Variants in MAN1A1 observed in about 807,000 individuals in gnomAD.
MAN1A1 encodes mannosyl-oligosaccharide 1,2-alpha-mannosidase IA.
In MAN1A1, 29 loss-of-function variants were observed where a neutral mutation model predicts 70.8. The ratio of observed to expected loss-of-function variants is 0.41; its 90% CI spans 0.31 to 0.56. MAN1A1 has a LOEUF of 0.56. MAN1A1 is among the 20% of genes least tolerant of loss of function. MAN1A1 has a pLI of 0.29. For synonymous variants in MAN1A1, 349 were observed against 330.1 expected (o/e 1.06, Z -0.62); for missense variants, 747 against 841.3 (o/e 0.89, Z 1.39).
At chr6:119,212,048 G>A (rs1774068296) in intron 6 of MAN1A1, among the ~76,000 whole-genome samples, 1 of 151,576 alleles carries the variant, frequency 6.6e-6, no homozygotes, top group African/African-American at 2.4e-5. Flanking sequence ...CACCATGTTA[G>A]CCAGGATGGT....
In MAN1A1 at chr6:119,248,364, C is replaced by T; in HGVS notation, c.898-10G>A. 1 of 1,531,830 alleles carries T rather than the reference C, an allele frequency of 6.5e-7. No homozygotes were observed. The highest frequency in any genetic ancestry group is 9.0e-7 in the Non-Finnish European group (1 of 1,105,056). 94.9% of individuals were successfully genotyped at this position (1,531,830 alleles called of 1,614,324 possible). A position where few individuals can be genotyped will look rare whatever the true frequency, so the allele number is the denominator to read the frequency against. On this transcript the variant is annotated splice_polypyrimidine_tract_variant and intron_variant, in intron 5 of 12. Coordinates refer to ENST00000368468, the MANE Select transcript of MAN1A1 (RefSeq NM_005907.4). ...CTTTCTTTCGAAAAATCTGAAAAGT[C>T]AAACAGTTAACTGTAAGCTACTGTT...
At chr6:119,279,180 A>G (rs1378650005) in intron 5 of MAN1A1, among the ~76,000 whole-genome samples, 1 of 152,138 alleles carries the variant, frequency 6.6e-6, no homozygotes, top group East Asian at 1.9e-4. Flanking sequence ...AAAGCTTCCA[A>G]TAACCTATTA....
At chr6:119,276,592 T>A (rs1776072666) in intron 5 of MAN1A1, among the ~76,000 whole-genome samples, 1 of 152,202 alleles carries the variant, frequency 6.6e-6, no homozygotes, top group Admixed American at 6.5e-5. Flanking sequence ...AACTCATAAA[T>A]GCTGGAGTTA....
At chr6:119,272,678 A>C (rs2114379845) in intron 5 of MAN1A1, among the ~76,000 whole-genome samples, 2 of 152,332 alleles carry the variant, frequency 1.3e-5, no homozygotes, top group South Asian at 4.1e-4. Context: ...AGAAATGCTC[A>C]ATTTTTTTTA....
chr6:119,317,220 T>C (rs1772878057), intron 2 of MAN1A1, among the ~76,000 whole-genome samples: 1 of 152,022 alleles, frequency 6.6e-6, no homozygotes, highest in African/African-American at 2.4e-5. Flanking sequence ...TTATTACAAC[T>C]GATGGACCTA....
At chr6:119,297,803 TG>T (rs1349196037) in intron 4 of MAN1A1, among the ~76,000 whole-genome samples, 3,241 of 107,562 alleles carry the variant, frequency 0.03, 136 homozygotes, top group African/African-American at 0.088. Context: ...TTTTTTGTTT[TG>T]TTTTGTTTTT....
At chr6:119,285,552 T>C (rs1776345899) in intron 5 of MAN1A1, among the ~76,000 whole-genome samples, 1 of 152,162 alleles carries the variant, frequency 6.6e-6, no homozygotes, top group Admixed American at 6.5e-5. Context: ...ATTTCTTCAC[T>C]GTATGGGATT....
intron 2 of MAN1A1, among the ~76,000 whole-genome samples, chr6:119,322,827 A>G (rs1348935587): frequency 6.6e-6 from 1 of 152,198 alleles, no homozygotes; most frequent in Non-Finnish European, 1.5e-5. Flanking sequence ...GGTAACAATC[A>G]TTTCAAAGTA....
At chr6:119,215,747 T>C (rs1254555162) in intron 6 of MAN1A1, among the ~76,000 whole-genome samples, 1 of 152,192 alleles carries the variant, frequency 6.6e-6, no homozygotes, top group Admixed American at 6.5e-5. Context: ...TTTTCTTGGA[T>C]CCCAAGGGGG....
At chr6:119,319,419 T>C (rs750090114) in intron 2 of MAN1A1, among the ~76,000 whole-genome samples, 3 of 150,900 alleles carry the variant, frequency 2.0e-5, no homozygotes, top group Non-Finnish European at 4.4e-5. Flanking sequence ...CATTCTATTG[T>C]TGATGGATGG....
upstream of MAN1A1, chr6:119,349,912 G>A (rs935124865): frequency 9.4e-6 from 3 of 317,734 alleles, no homozygotes; most frequent in African/African-American, 6.8e-5. Flanking sequence ...GGAGTTTACG[G>A]GAAGCGCAGC....
At chr6:119,194,201 A>G (rs1258179416) in intron 8 of MAN1A1, among the ~76,000 whole-genome samples, 1 of 152,228 alleles carries the variant, frequency 6.6e-6, no homozygotes, top group Non-Finnish European at 1.5e-5. Context: ...TGTTCACAGT[A>G]TATATTTAAA....
chr6:119,349,134 G>C lies in MAN1A1; in HGVS notation c.-69C>G, dbSNP rs1773831267. ...CAAACTTCGCCGCCGCTGGGAGTCC[G>C]CGGCTGCGGGGCTGGGTCCTGCGTA... On this transcript the variant is annotated 5_prime_UTR_variant, in exon 2 of 13. Transcript: ENST00000368468. The C allele has an allele frequency of 3.2e-6, 4 of 1,256,972 alleles. No individual in the cohort carries two copies. The highest frequency in any genetic ancestry group is 3.0e-6 in the Non-Finnish European group (3 of 1,003,352). The allele number at this position is 1,256,972 out of a possible 1,614,324, so 77.9% of individuals were successfully genotyped here. A position where few individuals can be genotyped will look rare whatever the true frequency, so the allele number is the denominator to read the frequency against.
At chr6:119,219,557 C>T (rs905042495) in intron 6 of MAN1A1, among the ~76,000 whole-genome samples, 5 of 151,012 alleles carry the variant, frequency 3.3e-5, no homozygotes, top group African/African-American at 1.2e-4. Flanking sequence ...TTGGATTAAG[C>T]AACTGACATT....
intron 6 of MAN1A1, among the ~76,000 whole-genome samples, chr6:119,230,691 C>G (rs1180614683): frequency 1.3e-5 from 2 of 152,228 alleles, no homozygotes; most frequent in South Asian, 2.1e-4. Flanking sequence ...TACCACTTAT[C>G]TCCTGCACCT....
chr6:119,309,676 A>G (rs983679156), intron 2 of MAN1A1, among the ~76,000 whole-genome samples: 1 of 152,214 alleles, frequency 6.6e-6, no homozygotes, highest in Non-Finnish European at 1.5e-5. Flanking sequence ...AAGCAAGCCA[A>G]AGATGTTTTC....
chr6:119,215,187 CTT>C lies in MAN1A1; in HGVS notation c.993-10307_993-10306del, dbSNP rs1027164884. Among the ~76,000 whole-genome samples the C allele has an allele frequency of 1.1e-4, 17 of 150,094 alleles. No homozygotes were observed. In the South Asian group the frequency reaches 1.9e-3, roughly 17 times the overall value. ...CACGTTGTGTACATGTACCTTAAAACTTAAAGTATAAAAAGAAAAAAAAAACA... is the reference window on the plus strand; with the variant it reads ...CACGTTGTGTACATGTACCTTAAAACAAAGTATAAAAAGAAAAAAAAAACA... On this transcript the variant is annotated intron_variant, in intron 6 of 12. Transcript: ENST00000368468.
chr6:119,270,402 C>T (rs140824269), intron 5 of MAN1A1, among the ~76,000 whole-genome samples: 6 of 152,188 alleles, frequency 3.9e-5, no homozygotes, highest in Non-Finnish European at 5.9e-5. Context: ...ACAATTCACC[C>T]ATTTAAAGTA....
chr6:119,237,096 G>T (rs1447327671), intron 6 of MAN1A1, among the ~76,000 whole-genome samples: 1 of 152,204 alleles, frequency 6.6e-6, no homozygotes, highest in Non-Finnish European at 1.5e-5. Flanking sequence ...AACTTTCATG[G>T]ATGAGGAGTT....
Sources: gnomAD v4.1 joint callset for allele counts (sites outside exome capture counted in the v4.1 genomes callset) on GRCh38, gnomAD v4.1.1 for gene constraint, MANE v1.5 for transcripts, NCBI Gene and HGNC (gene_info 2026-07-23, HGNC 2026-07-21) for gene names.